TMLHE: variants seen among roughly 807,000 people sequenced by gnomAD.
TMLHE encodes the protein trimethyllysine dioxygenase, mitochondrial.
TMLHE carries 18 observed loss-of-function variants against 25.7 expected under a neutral mutation model. That is an observed-to-expected ratio of 0.70 (90% CI 0.48 to 1.04). TMLHE has a LOEUF of 1.04. TMLHE is among the 50% of genes least tolerant of loss of function. The pLI, the probability that TMLHE is intolerant of heterozygous loss-of-function variation, is 0.00. For synonymous variants in TMLHE, 105 were observed against 97.0 expected, an observed-to-expected ratio of 1.08 and a Z score of -0.49; for missense variants, 236 against 259.0, an observed-to-expected ratio of 0.91 and a Z score of 0.61.
In TMLHE at chrX:155,545,091, C is replaced by A; in HGVS notation, c.181+5G>T. 2.5e-6 allele frequency: 3 copies of A among 1,208,003 alleles called. No homozygotes were observed. In the South Asian group the frequency reaches 5.3e-5, roughly 21 times the overall value. ...AAAAAGTATCTGTCTTCACACATCT[C>A]TTACCAAAATGATCTTCATGTTGCT... On this transcript the variant is annotated splice_donor_5th_base_variant and intron_variant, in intron 2 of 7. Coordinates refer to ENST00000334398, the MANE Select transcript of TMLHE (RefSeq NM_018196.4).
At chrX:155,605,290 A>AG (rs2067780505) in intron 1 of TMLHE, among the ~76,000 whole-genome samples, 2 of 111,998 alleles carry the variant, frequency 1.8e-5, no homozygotes, top group African/African-American at 3.2e-5. Flanking sequence ...AGAAAGGACA[A>AG]CATTCAAATT....
intron 2 of TMLHE, among the ~76,000 whole-genome samples, chrX:155,534,256 G>A (rs1331055962): frequency 8.9e-6 from 1 of 111,989 alleles, no homozygotes; most frequent in Admixed American, 9.4e-5. Context: ...CAGGCCCAAG[G>A]GGCAGGGCTA....
rs1160250746 is a variant in TMLHE, at chrX:155,550,068, G to T, written c.-1-4791C>A. Among the ~76,000 whole-genome samples the T allele has an allele frequency of 1.8e-5, 2 of 110,527 alleles. 1 individual carries two copies. Among genetic ancestry groups the T allele is most frequent in the East Asian group, 5.6e-4 (2 of 3,561 alleles). On this transcript the variant is annotated intron_variant, in intron 1 of 7. Transcript: ENST00000334398. ...AGGACATGAACTCATCCTTTTTATG[G>T]CTGCATAGTATTCCGTGGCGTATAT...
intron 1 of TMLHE, among the ~76,000 whole-genome samples, chrX:155,589,446 TCAAA>T (rs782692025): frequency 3.9e-3 from 432 of 111,516 alleles, no homozygotes; most frequent in Middle Eastern, 0.033. Flanking sequence ...TGAGACTCTC[TCAAA>T]CAAACAAACA....
At chrX:155,577,997 A>G (rs781807152) in intron 1 of TMLHE, among the ~76,000 whole-genome samples, 141 of 111,856 alleles carry the variant, frequency 1.3e-3, no homozygotes, top group African/African-American at 4.3e-3. Context: ...TACCATTGAG[A>G]GCCCAGTCCC....
At chrX:155,578,879 C>T (rs2067607657) in intron 1 of TMLHE, among the ~76,000 whole-genome samples, 1 of 111,694 alleles carries the variant, frequency 9.0e-6, no homozygotes, top group South Asian at 3.7e-4. Context: ...ACCCTAAAGA[C>T]TTTCTCCAAA....
chrX:155,559,521 C>G (rs781915870), intron 1 of TMLHE, among the ~76,000 whole-genome samples: 22 of 111,276 alleles, frequency 2.0e-4, no homozygotes, highest in Admixed American at 4.8e-4. Context: ...CTAAAGCCAT[C>G]GTAATGTAAA....
chrX:155,536,561 G>A (rs1431637446), intron 2 of TMLHE, among the ~76,000 whole-genome samples: 1 of 111,385 alleles, frequency 9.0e-6, no homozygotes, highest in Non-Finnish European at 1.9e-5. Context: ...TTTGCTGACT[G>A]GAATCCATTC....
intron 1 of TMLHE, among the ~76,000 whole-genome samples, chrX:155,548,767 G>A (rs1557339515): frequency 8.2e-5 from 9 of 109,954 alleles, no homozygotes; most frequent in Non-Finnish European, 1.7e-4. Flanking sequence ...AAGTCAATAG[G>A]AAAAGCAAAC....
chrX:155,580,718 T>G (rs989114445), intron 1 of TMLHE, among the ~76,000 whole-genome samples: 8 of 111,539 alleles, frequency 7.2e-5, no homozygotes, highest in Non-Finnish European at 1.3e-4. Flanking sequence ...AGAGGGCTTG[T>G]GCAGGGAAAC....
At chrX:155,506,670 C>T (rs1326515512) in intron 6 of TMLHE, among the ~76,000 whole-genome samples, 2 of 110,995 alleles carry the variant, frequency 1.8e-5, no homozygotes, top group Admixed American at 9.6e-5. Context: ...AAAAATACTA[C>T]CTCTAATATT....
intron 1 of TMLHE, among the ~76,000 whole-genome samples, chrX:155,610,380 G>A (rs782667982): frequency 1.8e-5 from 2 of 111,799 alleles, no homozygotes; most frequent in Admixed American, 1.9e-4. Context: ...TGTCACTGAC[G>A]TGATGCAAAT....
intron 1 of TMLHE, among the ~76,000 whole-genome samples, chrX:155,586,766 G>A (rs1252620572): frequency 3.6e-5 from 4 of 111,383 alleles, no homozygotes; most frequent in Middle Eastern, 4.6e-3. Flanking sequence ...GAAAACCTAC[G>A]GGAAATGGAT....
At chrX:155,603,104 G>A (rs1378950891) in intron 1 of TMLHE, among the ~76,000 whole-genome samples, 1 of 111,721 alleles carries the variant, frequency 9.0e-6, no homozygotes, top group Non-Finnish European at 1.9e-5. Context: ...CAAGGCAGGA[G>A]GATAGCTTAA....
At chrX:155,533,379 GCACA>G (rs60233546) in intron 2 of TMLHE, among the ~76,000 whole-genome samples, 2 of 108,143 alleles carry the variant, frequency 1.8e-5, no homozygotes, top group Non-Finnish European at 3.8e-5. Flanking sequence ...ACGTGCACAC[GCACA>G]CACACACACA....
At chrX:155,605,182 G>T in intron 1 of TMLHE, among the ~76,000 whole-genome samples, 1 of 112,003 alleles carries the variant, frequency 8.9e-6, no homozygotes, top group Non-Finnish European at 1.9e-5. Context: ...AACAATACAG[G>T]AGCTGAAAGA....
intron 2 of TMLHE, among the ~76,000 whole-genome samples, chrX:155,540,361 G>T (rs1162097075): frequency 4.5e-5 from 5 of 110,795 alleles, no homozygotes; most frequent in Admixed American, 1.9e-4. Flanking sequence ...GCAAAACCTT[G>T]CAGGCTAGAA....
chrX:155,533,585 T>C (rs1459299411), intron 2 of TMLHE, among the ~76,000 whole-genome samples: 2 of 110,581 alleles, frequency 1.8e-5, no homozygotes, highest in Non-Finnish European at 3.8e-5. Context: ...CCTAGATTAC[T>C]GTGAAGGGAT....
At chrX:155,548,539 GCCT>G (rs1569562094) in intron 1 of TMLHE, among the ~76,000 whole-genome samples, 3 of 107,093 alleles carry the variant, frequency 2.8e-5, no homozygotes, top group Non-Finnish European at 3.8e-5. Context: ...TATGAGGCCA[GCCT>G]GACTAACATG....
Sources: gnomAD v4.1 joint callset for allele counts (sites outside exome capture counted in the v4.1 genomes callset) on GRCh38, gnomAD v4.1.1 for gene constraint, MANE v1.5 for transcripts, NCBI Gene and HGNC (gene_info 2026-07-23, HGNC 2026-07-21) for gene names.